WWP1: variants seen among roughly 807,000 people sequenced by gnomAD.
WWP1 encodes NEDD4-like E3 ubiquitin-protein ligase WWP1.
In WWP1, 49 loss-of-function variants were observed where a neutral mutation model predicts 130.6. The observed-to-expected ratio is 0.38, with a 90% confidence interval of 0.30 to 0.48. The LOEUF (loss-of-function observed/expected upper bound fraction) is 0.48. Among genes scored for constraint, WWP1 ranks in the 20% least tolerant of loss-of-function variants. The probability of loss-of-function intolerance (pLI) is 0.99; values close to 1 mark genes in which losing one functional copy is unlikely to be tolerated. For synonymous variants in WWP1, 332 were observed against 367.8 expected (o/e 0.90, Z 1.11); for missense variants, 809 against 1,100.6 (o/e 0.74, Z 3.75).
chr8:86,431,835 T>G, intron 14 of WWP1, 92 bp downstream of exon 14: 7 of 1,551,368 alleles, frequency 4.5e-6, no homozygotes, highest in Non-Finnish European at 6.1e-6. Flanking sequence ...GCAAAACATT[T>G]TACTTTTTGG....
At chr8:86,430,810 T>TCTCTCC in intron 12 of WWP1, 59 bp downstream of exon 12, 6 of 469,628 alleles carry the variant, frequency 1.3e-5, no homozygotes, top group Non-Finnish European at 1.7e-5. Flanking sequence ...TATATATATA[T>TCTCTCC]ATATATATAT....
At chr8:86,440,667 C>G (rs1405151153) in intron 17 of WWP1, 68 of 454,182 alleles carry the variant, frequency 1.5e-4, no homozygotes, top group Non-Finnish European at 3.1e-5. Context: ...AAGTTTTCTT[C>G]TATTATGTCT....
chr8:86,439,250 G>GGA (rs1810466708), intron 17 of WWP1, among the ~76,000 whole-genome samples: 1 of 151,378 alleles, frequency 6.6e-6, no homozygotes, highest in Non-Finnish European at 1.5e-5. Context: ...GGGTAAGGCA[G>GGA]GAGAATGGTG....
At chr8:86,461,933 A>G in intron 24 of WWP1, 87 bp downstream of exon 24, 1 of 1,065,588 alleles carries the variant, frequency 9.4e-7, no homozygotes, top group South Asian at 1.4e-5. Context: ...ATCCAGTATA[A>G]CTGCTTATTC....
intron 1 of WWP1, among the ~76,000 whole-genome samples, chr8:86,348,165 G>A (rs1822697940): frequency 6.6e-6 from 1 of 152,064 alleles, no homozygotes; most frequent in Non-Finnish European, 1.5e-5. Flanking sequence ...AGACTAGCAT[G>A]GTTTTTAAGT....
At chr8:86,422,323 T>TATGTGTG (rs769712215) in intron 9 of WWP1, among the ~76,000 whole-genome samples, 3 of 69,492 alleles carry the variant, frequency 4.3e-5, no homozygotes, top group Non-Finnish European at 8.4e-5. Context: ...CAGTTTGTAT[T>TATGTGTG]TATTTATTTA....
intron 5 of WWP1, among the ~76,000 whole-genome samples, chr8:86,381,882 A>T (rs1200610048): frequency 6.6e-6 from 1 of 152,162 alleles, no homozygotes; most frequent in African/African-American, 2.4e-5. Context: ...GTCATTTATT[A>T]TTTGCTTATT....
intron 1 of WWP1, chr8:86,343,190 G>GCCTT (rs1822329620): frequency 5.3e-6 from 1 of 188,102 alleles, no homozygotes; most frequent in Non-Finnish European, 1.1e-5. Flanking sequence ...CTGGAGCGGA[G>GCCTT]CGAAGTGTTT....
chr8:86,414,483 A>G (rs1167125748), intron 9 of WWP1, among the ~76,000 whole-genome samples: 1 of 152,206 alleles, frequency 6.6e-6, no homozygotes, highest in African/African-American at 2.4e-5. Flanking sequence ...AGTGGAACCA[A>G]GGTGGATTCT....
chr8:86,453,927 C>A (rs187306495), intron 21 of WWP1, among the ~76,000 whole-genome samples: 24 of 152,214 alleles, frequency 1.6e-4, no homozygotes, highest in African/African-American at 5.8e-4. Flanking sequence ...TTAACTGCAG[C>A]CATCTTGGGC....
At chr8:86,380,658 T>C in intron 3 of WWP1, 68 bp from the exon 4 acceptor site, 1 of 1,453,896 alleles carries the variant, frequency 6.9e-7, no homozygotes, top group Non-Finnish European at 9.1e-7. Context: ...TCCATTCTTA[T>C]TGATTGATTA....
intron 8 of WWP1, among the ~76,000 whole-genome samples, chr8:86,403,469 A>AT (rs1432109628): frequency 7.9e-5 from 12 of 151,842 alleles, no homozygotes; most frequent in African/African-American, 2.7e-4. Flanking sequence ...TAATGTTTGT[A>AT]TTTTTAGTAG....
chr8:86,411,917 AC>A, intron 9 of WWP1, 43 bp downstream of exon 9: 3 of 1,505,686 alleles, frequency 2.0e-6, no homozygotes, highest in Non-Finnish European at 2.7e-6. Flanking sequence ...TTAAGTAGCA[AC>A]TCTGTTAACA....
intron 1 of WWP1, among the ~76,000 whole-genome samples, chr8:86,361,972 GTGTA>G (rs1563465015): frequency 1.7e-5 from 2 of 117,514 alleles, no homozygotes; most frequent in Non-Finnish European, 1.9e-5. Flanking sequence ...TAGTGTGTGT[GTGTA>G]TATATATATA....
At chr8:86,416,663 C>T (rs1456749261) in intron 9 of WWP1, among the ~76,000 whole-genome samples, 2 of 151,532 alleles carry the variant, frequency 1.3e-5, no homozygotes, top group Admixed American at 1.3e-4. Flanking sequence ...AGAGACCATA[C>T]CTAAACACTA....
intron 9 of WWP1, among the ~76,000 whole-genome samples, chr8:86,414,890 T>TCCCCCCCCCCCCCCC (rs1222505171): frequency 8.4e-5 from 8 of 94,868 alleles, no homozygotes; most frequent in Non-Finnish European, 1.0e-4. Flanking sequence ...CCCCCCCCCA[T>TCCCCCCCCCCCCCCC]CCCCCCACCC....
Position 86,381,501 on chromosome 8 carries a change from C to G in WWP1, c.210-4C>G, listed in dbSNP as rs939982178. On this transcript the variant is annotated splice_region_variant and splice_polypyrimidine_tract_variant and intron_variant, in intron 4 of 24. Transcript: ENST00000517970. Reference sequence around the variant, plus strand: ...TATTTTTGTTAATAATTTTACCCTTCCAGAAATGTTACGCCACAGACTACA... The same window carrying G: ...TATTTTTGTTAATAATTTTACCCTTGCAGAAATGTTACGCCACAGACTACA... 1 of 1,602,390 alleles carries G rather than the reference C, an allele frequency of 6.2e-7. No homozygotes were observed. Among genetic ancestry groups the G allele is most frequent in the Non-Finnish European group, 8.5e-7 (1 of 1,177,472 alleles).
chr8:86,360,796 G>C (rs1232434030), intron 1 of WWP1, among the ~76,000 whole-genome samples: 1 of 152,194 alleles, frequency 6.6e-6, no homozygotes, highest in Non-Finnish European at 1.5e-5. Flanking sequence ...GTCTGTAATT[G>C]AGAATTACTA....
chr8:86,349,456 G>GT (rs145405822), intron 1 of WWP1, among the ~76,000 whole-genome samples: 1,550 of 152,350 alleles, frequency 0.01, 24 homozygotes, highest in African/African-American at 0.035. Context: ...GGCCACCCAT[G>GT]TAACAGATTA....
Sources: gnomAD v4.1 joint callset for allele counts (sites outside exome capture counted in the v4.1 genomes callset) on GRCh38, gnomAD v4.1.1 for gene constraint, MANE v1.5 for transcripts, NCBI Gene and HGNC (gene_info 2026-07-23, HGNC 2026-07-21) for gene names.